Variants in CCPG1 observed in about 807,000 individuals in gnomAD.
The protein encoded by CCPG1 is cell cycle progression 1.
A neutral mutation model predicts 81.3 loss-of-function variants in CCPG1; 46 were observed. The observed-to-expected ratio is 0.57, with a 90% confidence interval of 0.45 to 0.72. The LOEUF is 0.72. Ranked by LOEUF, CCPG1 falls within the 30% of genes least tolerant of loss-of-function variation. CCPG1 has a pLI of 0.00. For missense variants in CCPG1, 902 were observed against 937.6 expected, an observed-to-expected ratio of 0.96 and a Z score of 0.50; for synonymous variants, 330 against 305.2, an observed-to-expected ratio of 1.08 and a Z score of -0.85.
intron 5 of CCPG1, chr15:55,374,144 A>C: frequency 3.1e-6 from 4 of 1,282,048 alleles, no homozygotes; most frequent in Non-Finnish European, 4.1e-6. Context: ...GGTCAGATTT[A>C]GTCACACCAC....
chr15:55,369,910 T>A (rs2056412108), intron 6 of CCPG1, among the ~76,000 whole-genome samples: 1 of 152,132 alleles, frequency 6.6e-6, no homozygotes, highest in African/African-American at 2.4e-5. Flanking sequence ...AAGATTAAGA[T>A]AAGATCTTCT....
intron 8 of CCPG1, chr15:55,358,445 A>G: frequency 1.0e-6 from 1 of 985,394 alleles, no homozygotes; most frequent in Non-Finnish European, 1.2e-6. Context: ...ACAGGACAAA[A>G]CCTTTAGCAT....
intron 1 of CCPG1, among the ~76,000 whole-genome samples, chr15:55,402,582 C>T (rs988775835): frequency 6.6e-6 from 1 of 152,132 alleles, no homozygotes; most frequent in Non-Finnish European, 1.5e-5. Flanking sequence ...TTCTATATAT[C>T]AACCTAACTT....
chr15:55,394,936 C>A (rs762704324), intron 1 of CCPG1, among the ~76,000 whole-genome samples: 1 of 152,086 alleles, frequency 6.6e-6, no homozygotes, highest in African/African-American at 2.4e-5. Flanking sequence ...TTCCTGTTTG[C>A]CCACACATGG....
chr15:55,362,397 C>A (rs1401594628), intron 7 of CCPG1, among the ~76,000 whole-genome samples: 1 of 151,104 alleles, frequency 6.6e-6, no homozygotes, highest in East Asian at 1.9e-4. Flanking sequence ...TGAAAAATAA[C>A]TATCTGAAAT....
chr15:55,406,934 C>A (rs572580053), intron 1 of CCPG1, among the ~76,000 whole-genome samples: 199 of 151,912 alleles, frequency 1.3e-3, no homozygotes, highest in African/African-American at 4.6e-3. Flanking sequence ...TATGAATTAA[C>A]GCCCGCGCGG....
intron 1 of CCPG1, among the ~76,000 whole-genome samples, chr15:55,395,393 A>G (rs1449094563): frequency 2.0e-5 from 3 of 152,208 alleles, no homozygotes; most frequent in Admixed American, 2.0e-4. Context: ...AGAGATCTTC[A>G]AATGATAATC....
At chr15:55,392,021 T>C (rs910219906) in intron 1 of CCPG1, among the ~76,000 whole-genome samples, 1 of 136,304 alleles carries the variant, frequency 7.3e-6, no homozygotes, top group Non-Finnish European at 1.5e-5. Context: ...AAACGATTTC[T>C]GATTCCTAAA....
At chr15:55,357,254 C>G (rs2056098843) in intron 8 of CCPG1, 2 of 961,848 alleles carry the variant, frequency 2.1e-6, no homozygotes, top group Non-Finnish European at 2.5e-6. Flanking sequence ...TGACCCAACC[C>G]AGAAATCTAG....
intron 1 of CCPG1, among the ~76,000 whole-genome samples, chr15:55,400,542 G>A (rs1251361713): frequency 6.7e-6 from 1 of 149,552 alleles, no homozygotes; most frequent in East Asian, 1.9e-4. Context: ...ACACTCCAGT[G>A]AAACTCCATC....
intron 8 of CCPG1, chr15:55,357,231 C>G (rs2056097786): frequency 2.3e-6 from 2 of 867,524 alleles, no homozygotes; most frequent in Non-Finnish European, 2.6e-6. Flanking sequence ...AGTGGTACTA[C>G]TATCCAACAA....
At chr15:55,389,248 G>A in intron 2 of CCPG1, 117 bp downstream of exon 2, 1 of 693,380 alleles carries the variant, frequency 1.4e-6, no homozygotes. Flanking sequence ...GAGGGAAAAT[G>A]TCCATTGGAA....
At chr15:55,379,301 C>G (rs944331860) in intron 3 of CCPG1, among the ~76,000 whole-genome samples, 2 of 151,808 alleles carry the variant, frequency 1.3e-5, no homozygotes, top group Non-Finnish European at 2.9e-5. Flanking sequence ...GGCTGGAGGA[C>G]TGCTTGACGC....
intron 1 of CCPG1, among the ~76,000 whole-genome samples, chr15:55,402,291 C>T (rs756346956): frequency 1.3e-5 from 2 of 152,216 alleles, no homozygotes; most frequent in South Asian, 2.1e-4. Flanking sequence ...ACAGTGGCAC[C>T]ATCACAGCTC....
At chr15:55,402,845 T>C (rs77411832) in intron 1 of CCPG1, among the ~76,000 whole-genome samples, 36 of 152,320 alleles carry the variant, frequency 2.4e-4, no homozygotes, top group East Asian at 1.7e-3. Flanking sequence ...CTTACACTTA[T>C]AGAAGTGAGA....
intron 6 of CCPG1, among the ~76,000 whole-genome samples, chr15:55,367,885 A>G (rs370527986): frequency 6.6e-6 from 1 of 152,170 alleles, no homozygotes; most frequent in Non-Finnish European, 1.5e-5. Flanking sequence ...CCAAATATCC[A>G]GATTACAGAA....
At chr15:55,396,478 G>A (rs1215005397) in intron 1 of CCPG1, among the ~76,000 whole-genome samples, 1 of 152,118 alleles carries the variant, frequency 6.6e-6, no homozygotes, top group Non-Finnish European at 1.5e-5. Flanking sequence ...GGTTTCTCAA[G>A]TGTTTAACAC....
At chr15:55,405,495 T>C (rs1451940138) in intron 1 of CCPG1, among the ~76,000 whole-genome samples, 2 of 152,122 alleles carry the variant, frequency 1.3e-5, no homozygotes, top group Non-Finnish European at 2.9e-5. Context: ...AAGCAGAGGT[T>C]GCAGTGAGCC....
At position 55,355,930 on chromosome 15, in the gene CCPG1, G is replaced by T; in HGVS notation, c.*290C>A. 1 of 399,578 alleles carries T rather than the reference G, an allele frequency of 2.5e-6. No homozygotes were observed. The highest frequency in any genetic ancestry group is 4.4e-6 in the Non-Finnish European group (1 of 225,560). 24.8% of individuals were successfully genotyped at this position (399,578 alleles called of 1,614,324 possible). ...CTTGCTTTAAGCTCTTACACTGAAA[G>T]GAAGTCTCATTTCATGCACAAAATC... On this transcript the variant is annotated 3_prime_UTR_variant, in exon 9 of 9. Coordinates refer to ENST00000442196, the MANE Select transcript of CCPG1 (RefSeq NM_001204450.2).
Sources: gnomAD v4.1 joint callset for allele counts (sites outside exome capture counted in the v4.1 genomes callset) on GRCh38, gnomAD v4.1.1 for gene constraint, MANE v1.5 for transcripts, NCBI Gene and HGNC (gene_info 2026-07-23, HGNC 2026-07-21) for gene names.